MYCBP2: variants seen among roughly 807,000 people sequenced by gnomAD.
MYCBP2 encodes the protein MYC binding protein 2.
MYCBP2 carries 120 observed loss-of-function variants against 525.3 expected under a neutral mutation model. The observed-to-expected ratio is 0.23, with a 90% CI of 0.20 to 0.27. The LOEUF (loss-of-function observed/expected upper bound fraction) is 0.27, where lower values mean the gene tolerates loss of function less well. Among genes scored for constraint, MYCBP2 ranks in the 10% least tolerant of loss-of-function variants. The pLI is 1.00. For synonymous variants in MYCBP2, 1,894 were observed against 1,955.8 expected, an observed-to-expected ratio of 0.97 and a Z score of 0.83; for missense variants, 4,149 against 5,657.1, an observed-to-expected ratio of 0.73 and a Z score of 8.55.
intron 77 of MYCBP2, among the ~76,000 whole-genome samples, chr13:77,059,091 C>T (rs1222712713): frequency 2.0e-5 from 3 of 151,608 alleles, no homozygotes; most frequent in South Asian, 4.2e-4. Flanking sequence ...GTACCTTTGA[C>T]TCTCTGAGCA....
rs771397905 is a variant in MYCBP2, at chr13:77,059,524, T to A, written c.13139A>T (p.Gln4380Leu). 3 of 1,610,882 alleles carry A rather than the reference T, an allele frequency of 1.9e-6. No homozygotes were observed. The highest frequency in any genetic ancestry group is 3.3e-4 in the Middle Eastern group (2 of 6,060). Residue 4380 changes from glutamine (Q) to leucine (L), a missense_variant and splice_region_variant, in exon 77 of 83, where the codon CAG becomes CTG. Gln to Leu is a moderately radical substitution (Grantham distance 113, BLOSUM62 -2). Coordinates refer to ENST00000544440, the MANE Select transcript of MYCBP2 (RefSeq NM_015057.5). ...VGSVCSDADC[Q>L]EYAKIACSKT... is the part of the protein sequence containing the mutation. ...TGGCCTGTGTCACTATATACTCACC[T>A]GGCAATCTGCATCAGAACAAACACT...
chr13:77,094,102 T>C (rs924624913), intron 58 of MYCBP2, among the ~76,000 whole-genome samples: 1 of 152,198 alleles, frequency 6.6e-6, no homozygotes, highest in Non-Finnish European at 1.5e-5. Flanking sequence ...TTCATTTTTG[T>C]TGCTTATTCA....
intron 56 of MYCBP2, 128 bp downstream of exon 56, chr13:77,097,242 T>TA: frequency 7.6e-7 from 1 of 1,317,882 alleles, no homozygotes; most frequent in Non-Finnish European, 1.0e-6. Context: ...TAATGTACTT[T>TA]AAAAATGACA....
chr13:77,319,840 C>T (rs899400344), intron 1 of MYCBP2, among the ~76,000 whole-genome samples: 4 of 152,224 alleles, frequency 2.6e-5, no homozygotes, highest in Non-Finnish European at 5.9e-5. Context: ...GCTTCAAAAC[C>T]TCACTGTAAA....
At chr13:77,211,930 G>C (rs752266390) in intron 22 of MYCBP2, 26 bp downstream of exon 22, 1 of 1,534,798 alleles carries the variant, frequency 6.5e-7, no homozygotes, top group South Asian at 1.1e-5. Context: ...AGTTTGGAAG[G>C]GGCATTTGTT....
intron 3 of MYCBP2, among the ~76,000 whole-genome samples, chr13:77,287,529 T>C (rs902841548): frequency 2.6e-5 from 4 of 152,102 alleles, no homozygotes; most frequent in African/African-American, 9.7e-5. Context: ...CTAGTTTATA[T>C]GCTCCTGGTA....
At chr13:77,169,395 CAAAAAA>C (rs371575329) in intron 39 of MYCBP2, among the ~76,000 whole-genome samples, 1 of 33,812 alleles carries the variant, frequency 3.0e-5, no homozygotes, top group Non-Finnish European at 6.4e-5. Flanking sequence ...GACTCCGTCT[CAAAAAA>C]AAAAAAAAAA....
chr13:77,147,944 A>T (rs1368264219), intron 47 of MYCBP2, among the ~76,000 whole-genome samples: 1 of 152,088 alleles, frequency 6.6e-6, no homozygotes, highest in Non-Finnish European at 1.5e-5. Context: ...CCTGCTCTAA[A>T]CCTAGGCTAC....
At chr13:77,163,493 G>C (rs138865949) in intron 43 of MYCBP2, among the ~76,000 whole-genome samples, 3 of 152,036 alleles carry the variant, frequency 2.0e-5, no homozygotes, top group Admixed American at 6.6e-5. Context: ...ATGGATTTTG[G>C]GGGGGTAAGA....
chr13:77,251,221 C>T lies in MYCBP2; in HGVS notation c.2311G>A (p.Val771Ile). The part of the protein sequence containing the change: ...WKLEQCMVCT[V>I]CGDCTGYGAS... ...CCATAACCTGTACAGTCTCCACAGA[C>T]AGTGCAAACCATGCACTGCTCCAGC... Residue 771 changes from valine to isoleucine, a missense_variant, in exon 15 of 83, where the codon GTC becomes ATC. By Grantham distance (29) the Val-to-Ile change is conservative (BLOSUM62 3). Transcript: ENST00000544440. 6.2e-7 allele frequency: 1 copy of T among 1,614,198 alleles called. No homozygotes were observed. Among genetic ancestry groups the T allele is most frequent in the East Asian group, 2.2e-5 (1 of 44,888 alleles).
At chr13:77,302,551 T>G (rs1389561575) in intron 1 of MYCBP2, among the ~76,000 whole-genome samples, 3 of 152,158 alleles carry the variant, frequency 2.0e-5, no homozygotes, top group East Asian at 1.9e-4. Flanking sequence ...AAGTATCCTG[T>G]AAGAATGAAG....
At chr13:77,146,270 C>A (rs2055535126) in intron 47 of MYCBP2, 53 bp from the exon 48 acceptor site, 2 of 1,238,844 alleles carry the variant, frequency 1.6e-6, no homozygotes, top group East Asian at 4.9e-5. Context: ...AAAACATTCT[C>A]AATTAACAGA....
chr13:77,076,712 A>G (rs562571248), intron 68 of MYCBP2, 39 bp downstream of exon 68: 2 of 1,280,956 alleles, frequency 1.6e-6, no homozygotes, highest in Admixed American at 4.0e-5. Flanking sequence ...AAAAAGAATA[A>G]AAAAGGGAAA....
At chr13:77,133,117 A>C (rs2053185811) in intron 52 of MYCBP2, among the ~76,000 whole-genome samples, 1 of 152,146 alleles carries the variant, frequency 6.6e-6, no homozygotes. Context: ...ATTTATCCTT[A>C]TCTCTCCACT....
In MYCBP2 at chr13:77,121,334, G is replaced by A. The variant is rs749875948; in HGVS notation, c.8140+39C>T. 3 of 1,437,480 alleles carry A rather than the reference G, an allele frequency of 2.1e-6. No homozygotes were observed. The South Asian group carries it at 4.9e-5, about 23-fold the overall frequency. 89.0% of individuals were successfully genotyped at this position (1,437,480 alleles called of 1,614,324 possible). A position where few individuals can be genotyped will look rare whatever the true frequency, so the allele number is the denominator to read the frequency against. ...AAAAGAGAAGGTAATAAAAAATATT[G>A]AAGTTAGGTAAGTAAAAGACTTACT... is the stretch of plus-strand genomic sequence containing the variant. On this transcript the variant is annotated intron_variant, in intron 55 of 82. Transcript: ENST00000544440.
intron 68 of MYCBP2, among the ~76,000 whole-genome samples, chr13:77,074,765 C>T (rs905728540): frequency 3.9e-5 from 6 of 152,204 alleles, no homozygotes; most frequent in Non-Finnish European, 7.3e-5. Context: ...AAAAAGGCTA[C>T]ATTCTGAGTG....
chr13:77,261,409 CTT>C, intron 11 of MYCBP2, 34 bp from the exon 12 acceptor site: 2 of 1,492,734 alleles, frequency 1.3e-6, no homozygotes, highest in South Asian at 2.5e-5. Flanking sequence ...AATTATGGTA[CTT>C]TTTGGAATAG....
intron 37 of MYCBP2, among the ~76,000 whole-genome samples, chr13:77,173,594 GA>G (rs2059343998): frequency 6.6e-6 from 1 of 152,176 alleles, no homozygotes; most frequent in Non-Finnish European, 1.5e-5. Flanking sequence ...CTTCATGAAG[GA>G]AAGAGAGGAA....
chr13:77,175,400 A>G, intron 36 of MYCBP2, among the ~76,000 whole-genome samples: 1 of 152,174 alleles, frequency 6.6e-6, no homozygotes, highest in East Asian at 1.9e-4. Context: ...CATAGGAAAA[A>G]AGCTGTCCAA....
Sources: allele counts gnomAD v4.1 joint callset (sites outside exome capture counted in the v4.1 genomes callset), GRCh38; gene constraint gnomAD v4.1.1; transcripts MANE v1.5; gene names NCBI Gene and HGNC (gene_info 2026-07-23, HGNC 2026-07-21).